The following STAT4 variants were observed in gnomAD, a reference collection of about 807,000 sequenced individuals.
STAT4 encodes signal transducer and activator of transcription 4.
A neutral mutation model predicts 110.5 loss-of-function variants in STAT4; 42 were observed. The observed-to-expected ratio is 0.38, with a 90% CI of 0.30 to 0.49. The LOEUF (loss-of-function observed/expected upper bound fraction) is 0.49, where lower values mean the gene tolerates loss of function less well. Among genes scored for constraint, STAT4 ranks in the 20% least tolerant of loss-of-function variants. The pLI is 0.95. For synonymous variants in STAT4, 284 were observed against 302.2 expected, an observed-to-expected ratio of 0.94 and a Z score of 0.63; for missense variants, 632 against 887.9, an observed-to-expected ratio of 0.71 and a Z score of 3.66.
chr2:191,079,977 G>T (rs913652113), intron 3 of STAT4, among the ~76,000 whole-genome samples: 1 of 152,026 alleles, frequency 6.6e-6, no homozygotes, highest in African/African-American at 2.4e-5. Context: ...TCAAATTTCT[G>T]CATCCTTGCT....
Position 191,033,360 on chromosome 2 carries a change from C to T in STAT4, c.1852+130G>A. 2 of 1,216,640 alleles carry T rather than the reference C, an allele frequency of 1.6e-6. No individual in the cohort carries two copies. The highest frequency in any genetic ancestry group is 1.1e-6 in the Non-Finnish European group (1 of 884,180). 75.4% of individuals were successfully genotyped at this position (1,216,640 alleles called of 1,614,324 possible). A position where few individuals can be genotyped will look rare whatever the true frequency, so the allele number is the denominator to read the frequency against. ...GTACCCTGTTCTGAGACAACTGCAA[C>T]TACTAATATTCAAGCCCACTGAATA... On this transcript the variant is annotated intron_variant, in intron 20 of 23. Transcript: ENST00000392320. The surrounding 1 kb of genome is among the most constrained non-coding windows in gnomAD (Gnocchi z 6.9).
At chr2:191,092,057 T>C (rs543989265) in intron 3 of STAT4, among the ~76,000 whole-genome samples, 2 of 152,336 alleles carry the variant, frequency 1.3e-5, no homozygotes, top group South Asian at 4.1e-4. Context: ...TTTTTTAAAA[T>C]CTTGCTTGTA....
At chr2:191,036,039 A>T (rs964487919) in intron 17 of STAT4, 125 bp downstream of exon 17, 31 of 1,169,736 alleles carry the variant, frequency 2.7e-5, no homozygotes, top group Non-Finnish European at 3.7e-5. Flanking sequence ...GCCTGGCAAT[A>T]TAGTAGGCAT....
In STAT4 at chr2:191,110,219, G is replaced by A. The variant is rs1698388550; in HGVS notation, c.274-33894C>T. Among the ~76,000 whole-genome samples the A allele has an allele frequency of 1.3e-5, 2 of 152,240 alleles. No individual in the cohort carries two copies. The highest frequency in any genetic ancestry group is 4.8e-5 in the African/African-American group (2 of 41,558). ...AGATTTGTGTTGATGTCAGTGCTAA[G>A]AAGAAAAGGTCTTCTTCAGGCCTTT... On this transcript the variant is annotated intron_variant, in intron 3 of 23. Transcript: ENST00000392320. The surrounding 1 kb of genome is among the most constrained non-coding windows in gnomAD (Gnocchi z 4.5).
rs1350167620 is a variant in STAT4 at position 191,116,844 on chromosome 2, T to C, written c.273+29769A>G. 5.9e-5 allele frequency among the ~76,000 whole-genome samples: 9 copies of C among 152,188 alleles called. No individual in the cohort carries two copies. The highest frequency in any genetic ancestry group is 1.2e-4 in the Non-Finnish European group (8 of 68,042). On this transcript the variant is annotated intron_variant, in intron 3 of 23. Coordinates refer to ENST00000392320, the MANE Select transcript of STAT4 (RefSeq NM_003151.4). The surrounding 1 kb of genome is among the most constrained non-coding windows in gnomAD (Gnocchi z 4.1). ...CTGAAAGTAAATTTACTCAAATGTC[T>C]CAGAAATGACAAGATGCTTGAGGTG... is the stretch of plus-strand genomic sequence containing the variant.
intron 3 of STAT4, among the ~76,000 whole-genome samples, chr2:191,079,235 T>TCTCACACACACACACACA (rs1553509523): frequency 2.0e-5 from 3 of 151,080 alleles, no homozygotes; most frequent in African/African-American, 4.9e-5. Flanking sequence ...ACTTGTCAAG[T>TCTCACACACACACACACA]CACGCACACA....
intron 4 of STAT4, among the ~76,000 whole-genome samples, chr2:191,075,002 A>C (rs1407611514): frequency 6.6e-6 from 1 of 152,156 alleles, no homozygotes; most frequent in East Asian, 1.9e-4. Flanking sequence ...TCTACTAAAA[A>C]TACAAAACTT....
chr2:191,141,563 CATAT>C (rs1411956308), intron 3 of STAT4, among the ~76,000 whole-genome samples: 1 of 143,136 alleles, frequency 7.0e-6, no homozygotes, highest in Non-Finnish European at 1.5e-5. Flanking sequence ...TTATATATAC[CATAT>C]ATGATATATA....
chr2:191,102,868 T>A (rs1003358522), intron 3 of STAT4, among the ~76,000 whole-genome samples: 3 of 152,204 alleles, frequency 2.0e-5, no homozygotes, highest in African/African-American at 7.2e-5. Flanking sequence ...TTGGCGCTTC[T>A]GTGTCTCATT....
intron 3 of STAT4, among the ~76,000 whole-genome samples, chr2:191,120,618 C>A (rs533913161): frequency 2.0e-5 from 3 of 152,102 alleles, no homozygotes; most frequent in African/African-American, 7.2e-5. Flanking sequence ...TGTTTTGGTA[C>A]CACACATCTA....
chr2:191,097,307 G>C (rs1430620316), intron 3 of STAT4, among the ~76,000 whole-genome samples: 1 of 152,132 alleles, frequency 6.6e-6, no homozygotes, highest in East Asian at 1.9e-4. Flanking sequence ...AGCCCGCATT[G>C]CCAAGTCAAT....
Position 191,058,698 on chromosome 2 carries a change from T to A in STAT4, c.1094+12A>T. The A allele has an allele frequency of 6.4e-7, 1 of 1,551,854 alleles. No homozygotes were observed. The highest frequency in any genetic ancestry group is 1.2e-5 in the South Asian group (1 of 81,508). ...TTGGAATTGTAATTCAAAACGAAAT[T>A]AGAAAACTTACTTGTCAATTGATGC... On this transcript the variant is annotated intron_variant, in intron 11 of 23. Transcript: ENST00000392320. The surrounding 1 kb of genome is among the most constrained non-coding windows in gnomAD (Gnocchi z 4.3).
intron 3 of STAT4, among the ~76,000 whole-genome samples, chr2:191,100,270 T>C (rs1418618575): frequency 1.3e-5 from 2 of 152,166 alleles, no homozygotes; most frequent in African/African-American, 2.4e-5. Flanking sequence ...GGCGGAAGTA[T>C]TAATACCGTC....
At chr2:191,048,112 A>G (rs1276972152) in intron 14 of STAT4, among the ~76,000 whole-genome samples, 1 of 152,262 alleles carries the variant, frequency 6.6e-6, no homozygotes, top group Non-Finnish European at 1.5e-5. Context: ...AGACAGAGCA[A>G]TGACACTCAG....
rs140720476 is a variant in STAT4 at position 191,076,345 on chromosome 2, G to A, written c.274-20C>T. The stretch of plus-strand genomic sequence containing the variant: ...TTTTCCCTGAAAAAAAAAACAATGA[G>A]CAAAAATAACTAACGTAAAGCTTAA... On this transcript the variant is annotated intron_variant, in intron 3 of 23. Transcript: ENST00000392320. 7 of 1,563,056 alleles carry A rather than the reference G, an allele frequency of 4.5e-6. No individual in the cohort carries two copies. The highest frequency in any genetic ancestry group is 5.2e-6 in the Non-Finnish European group (6 of 1,146,618).
rs1270416153 is a variant in STAT4, at chr2:191,117,598, T to C, written c.273+29015A>G. ...AGAGAAAACTCGATGTGGATTTTAA[T>C]GACACATAGAGAAGGACATGGGCTG... On this transcript the variant is annotated intron_variant, in intron 3 of 23. Coordinates refer to ENST00000392320, the MANE Select transcript of STAT4 (RefSeq NM_003151.4). The surrounding 1 kb of genome is among the most constrained non-coding windows in gnomAD (Gnocchi z 5.2). 1.3e-5 allele frequency among the ~76,000 whole-genome samples: 2 copies of C among 152,198 alleles called. No individual in the cohort carries two copies. The highest frequency in any genetic ancestry group is 2.4e-5 in the African/African-American group (1 of 41,450).
intron 3 of STAT4, among the ~76,000 whole-genome samples, chr2:191,124,164 A>G (rs930243735): frequency 6.6e-6 from 1 of 152,202 alleles, no homozygotes; most frequent in Admixed American, 6.5e-5. Flanking sequence ...ATTTATTAAA[A>G]AAGATACTGA....
In STAT4 at chr2:191,034,018, A is replaced by C; in HGVS notation, c.1621-13T>G. 6.5e-7 allele frequency: 1 copy of C among 1,528,642 alleles called. No individual in the cohort carries two copies. Among genetic ancestry groups the C allele is most frequent in the Non-Finnish European group, 9.0e-7 (1 of 1,114,100 alleles). The allele number at this position is 1,528,642 out of a possible 1,614,324, so 94.7% of individuals were successfully genotyped here. Reference sequence around the variant, plus strand: ...CAGGTAAATGTTCCTACAGGAATAGACAAGCACATTAAGACAATGATTATT... The same window carrying C: ...CAGGTAAATGTTCCTACAGGAATAGCCAAGCACATTAAGACAATGATTATT... On this transcript the variant is annotated splice_polypyrimidine_tract_variant and intron_variant, in intron 18 of 23. Coordinates refer to ENST00000392320, the MANE Select transcript of STAT4 (RefSeq NM_003151.4).
chr2:191,106,109 A>T (rs1423446838), intron 3 of STAT4, among the ~76,000 whole-genome samples: 1 of 152,182 alleles, frequency 6.6e-6, no homozygotes, highest in Non-Finnish European at 1.5e-5. Flanking sequence ...GAGTTGAATT[A>T]AATGTCATTA....
Sources: gnomAD v4.1 joint callset for allele counts (sites outside exome capture counted in the v4.1 genomes callset) on GRCh38, gnomAD v4.1.1 for gene constraint, Gnocchi (gnomAD v3.1) non-coding constraint, MANE v1.5 for transcripts, NCBI Gene and HGNC (gene_info 2026-07-23, HGNC 2026-07-21) for gene names.